Variants in SLC26A11 observed in about 807,000 individuals in gnomAD.
The protein encoded by SLC26A11 is sodium-independent sulfate anion transporter.
A neutral mutation model predicts 62.2 loss-of-function variants in SLC26A11; 58 were observed. That is an observed-to-expected ratio of 0.93 (90% CI 0.76 to 1.16). SLC26A11 has a LOEUF of 1.16. SLC26A11 is among the 50% of genes most tolerant of loss of function. The probability of loss-of-function intolerance (pLI) is 0.00; values close to 1 mark genes in which losing one functional copy is unlikely to be tolerated. For synonymous variants in SLC26A11, 411 were observed against 368.9 expected, an observed-to-expected ratio of 1.11 and a Z score of -1.31; for missense variants, 790 against 794.3, an observed-to-expected ratio of 0.99 and a Z score of 0.06.
chr17:80,241,767 T>A lies in SLC26A11; in HGVS notation c.986-4T>A. 6.2e-7 allele frequency: 1 copy of A among 1,614,000 alleles called. No homozygotes were observed. Among genetic ancestry groups the A allele is most frequent in the Non-Finnish European group, 8.5e-7 (1 of 1,179,958 alleles). On this transcript the variant is annotated splice_polypyrimidine_tract_variant and splice_region_variant and intron_variant, in intron 9 of 17. Coordinates refer to ENST00000361193, the MANE Select transcript of SLC26A11 (RefSeq NM_001166347.2). Reference sequence around the variant, plus strand: ...ACCAGGTCTTTACCGTTGGTTCCCTTTAGCATCTCAGAATAATTACCGCAT... The same window carrying A: ...ACCAGGTCTTTACCGTTGGTTCCCTATAGCATCTCAGAATAATTACCGCAT...
chr17:80,225,829 T>C lies in SLC26A11; in HGVS notation c.514-8T>C, dbSNP rs1197144919. 1 of 1,613,540 alleles carries C rather than the reference T, an allele frequency of 6.2e-7. No homozygotes were observed. The highest frequency in any genetic ancestry group is 1.7e-5 in the Admixed American group (1 of 59,988). On this transcript the variant is annotated splice_region_variant and splice_polypyrimidine_tract_variant and intron_variant, in intron 5 of 17. Coordinates refer to ENST00000361193, the MANE Select transcript of SLC26A11 (RefSeq NM_001166347.2). ...TAGCCTCTGATCAGCATCTCTGTGT[T>C]TGGACAGAACCTGCTGGGACTACAG...
In SLC26A11 at chr17:80,228,471, G is replaced by A. The variant is rs974622912; in HGVS notation, c.736+511G>A. Among the ~76,000 whole-genome samples the A allele has an allele frequency of 6.6e-6, 1 of 152,358 alleles. No homozygotes were observed. Among genetic ancestry groups the A allele is most frequent in the East Asian group, 1.9e-4 (1 of 5,184 alleles). ...TTTAAAACTCTGAGCCAAACTCGGT[G>A]GGTTCTGATGCAGGGTCAGAGCTGA... On this transcript the variant is annotated intron_variant, in intron 7 of 17. Coordinates refer to ENST00000361193, the MANE Select transcript of SLC26A11 (RefSeq NM_001166347.2). This position sits in a 1 kb window ranked among gnomAD's most constrained non-coding sequence, Gnocchi z 4.1.
chr17:80,250,700 G>A (rs1258720960), intron 16 of SLC26A11, among the ~76,000 whole-genome samples: 1 of 151,956 alleles, frequency 6.6e-6, no homozygotes, highest in Non-Finnish European at 1.5e-5. Context: ...GGTGGCGCAC[G>A]CCTGTAATCC....
At chr17:80,225,188 G>A (rs1001176774) in intron 5 of SLC26A11, among the ~76,000 whole-genome samples, 5 of 149,128 alleles carry the variant, frequency 3.4e-5, no homozygotes, top group Non-Finnish European at 7.4e-5. Context: ...ACCCCCCGCC[G>A]CTCTCTAAAG....
At chr17:80,240,227 C>A (rs1296064669) in intron 9 of SLC26A11, among the ~76,000 whole-genome samples, 3 of 151,890 alleles carry the variant, frequency 2.0e-5, no homozygotes, top group Non-Finnish European at 4.4e-5. Context: ...ATTAGCCAGG[C>A]GTGGTGGCGG....
rs745767261 is a variant in SLC26A11 at position 80,248,633 on chromosome 17, T to G, written c.1481T>G (p.Met494Arg). ...QPASGLSFPA[M>R]EALREEILSR... ...GCCAGCGGCCTGTCCTTCCCTGCCA[T>G]GGAGGCTCTGCGGGAGGAGATCCTA... Residue 494 changes from methionine to arginine, a missense_variant, in exon 15 of 18, where the codon ATG becomes AGG. Transcript: ENST00000361193. 6.3e-7 allele frequency: 1 copy of G among 1,586,564 alleles called. No individual in the cohort carries two copies. The highest frequency in any genetic ancestry group is 8.6e-7 in the Non-Finnish European group (1 of 1,166,630).
At chr17:80,235,624 G>T (rs1002054311) in intron 7 of SLC26A11, among the ~76,000 whole-genome samples, 1 of 152,230 alleles carries the variant, frequency 6.6e-6, no homozygotes, top group African/African-American at 2.4e-5. Context: ...CCAAAGTGTT[G>T]GGATTACAGG....
chr17:80,248,537 C>T (rs774333269), intron 14 of SLC26A11, 38 bp from the exon 15 acceptor site: 17 of 1,537,350 alleles, frequency 1.1e-5, no homozygotes, highest in East Asian at 4.9e-5. Flanking sequence ...GGAGGCCACC[C>T]GGTCAGACCC....
intron 1 of SLC26A11, 101 bp from the exon 2 acceptor site, chr17:80,220,815 T>TGG (rs2042140460): frequency 6.9e-6 from 1 of 144,578 alleles, no homozygotes; most frequent in Non-Finnish European, 1.5e-5. Context: ...GCCGGGGGCG[T>TGG]GGGGGGCTGG....
At chr17:80,240,400 C>A (rs2042828646) in intron 9 of SLC26A11, among the ~76,000 whole-genome samples, 1 of 151,492 alleles carries the variant, frequency 6.6e-6, no homozygotes, top group Admixed American at 6.6e-5. Context: ...TGTCTTAGAT[C>A]CATGCTCCTG....
Position 80,223,001 on chromosome 17 carries a change from C to T in SLC26A11, c.427+154C>T, listed in dbSNP as rs2042267944. 6.6e-6 allele frequency among the ~76,000 whole-genome samples: 1 copy of T among 151,844 alleles called. No homozygotes were observed. The highest frequency in any genetic ancestry group is 6.6e-5 in the Admixed American group (1 of 15,250). On this transcript the variant is annotated intron_variant, in intron 4 of 17. Coordinates refer to ENST00000361193, the MANE Select transcript of SLC26A11 (RefSeq NM_001166347.2). The surrounding 1 kb of genome is among the most constrained non-coding windows in gnomAD (Gnocchi z 4.6). ...TGGGTGGGTGGTGGAGGGGGTGGGG[C>T]ACTTGGCTCTTAGTCTACTCTTTTC...
intron 14 of SLC26A11, 137 bp from the exon 15 acceptor site, chr17:80,248,438 G>A: frequency 7.2e-6 from 9 of 1,245,168 alleles, no homozygotes; most frequent in Non-Finnish European, 9.9e-6. Flanking sequence ...TGGGGGCCAT[G>A]GGGGTCTCCC....
chr17:80,242,536 G>A (rs10871505), intron 10 of SLC26A11, among the ~76,000 whole-genome samples: 47,577 of 152,038 alleles, frequency 0.31, 8,553 homozygotes, highest in East Asian at 0.6. Flanking sequence ...GATTGTGCCC[G>A]CACCCTGCCC....
intron 8 of SLC26A11, 108 bp from the exon 9 acceptor site, chr17:80,237,414 C>A: frequency 9.4e-7 from 1 of 1,064,254 alleles, no homozygotes; most frequent in Non-Finnish European, 1.4e-6. Context: ...CTGACAAGCA[C>A]TTGCTCCTGT....
In SLC26A11 at chr17:80,252,739, C is replaced by T; in HGVS notation, c.*23C>T. ...TAATGGGGCCACCCGTGGGCATCCACAGTTTGCAGGGTGTTCCGGAAGGTT... is the reference window on the plus strand; with the variant it reads ...TAATGGGGCCACCCGTGGGCATCCATAGTTTGCAGGGTGTTCCGGAAGGTT... On this transcript the variant is annotated 3_prime_UTR_variant, in exon 18 of 18. Transcript: ENST00000361193. The surrounding 1 kb of genome is among the most constrained non-coding windows in gnomAD (Gnocchi z 5.2). 6.2e-7 allele frequency: 1 copy of T among 1,602,460 alleles called. No individual in the cohort carries two copies.
At position 80,221,590 on chromosome 17, in the gene SLC26A11, G is replaced by C. The variant is rs2042195344; in HGVS notation, c.30G>C (p.Gln10His). ...CTTCTTCGGTGACGGCGCTGGGTCA[G>C]GCCAGGTCCTCTGGCCCCGGGATGG... MPSSVTALG[Q>H]ARSSGPGMAP... is the part of the protein sequence containing the mutation. Residue 10 changes from glutamine (Q) to histidine (H), a missense_variant, in exon 3 of 18, where the codon CAG (glutamine) becomes CAC (histidine). Physicochemically the swap from Gln to His is conservative, Grantham distance 24 (BLOSUM62 0). Transcript: ENST00000361193. 1 of 1,604,372 alleles carries C rather than the reference G, an allele frequency of 6.2e-7. No homozygotes were observed. The highest frequency in any genetic ancestry group is 1.3e-5 in the African/African-American group (1 of 74,900).
chr17:80,227,593 C>G (rs1195608092), intron 6 of SLC26A11, among the ~76,000 whole-genome samples: 2 of 152,220 alleles, frequency 1.3e-5, no homozygotes, highest in Admixed American at 1.3e-4. Context: ...TGCAGAGTAG[C>G]TTGCTAAAGT....
At chr17:80,225,635 G>A (rs1049306358) in intron 5 of SLC26A11, 3 of 579,038 alleles carry the variant, frequency 5.2e-6, no homozygotes, top group Admixed American at 3.2e-5. Flanking sequence ...CTCCCACGAG[G>A]GTAGCTTTGA....
intron 15 of SLC26A11, 42 bp from the exon 16 acceptor site, chr17:80,249,111 GC>G: frequency 6.3e-7 from 1 of 1,588,342 alleles, no homozygotes; most frequent in Admixed American, 1.7e-5. Context: ...GCAGCTTTGG[GC>G]TGCTCTGGGT....
Sources: gnomAD v4.1 joint callset for allele counts (sites outside exome capture counted in the v4.1 genomes callset) on GRCh38, gnomAD v4.1.1 for gene constraint, Gnocchi (gnomAD v3.1) non-coding constraint, MANE v1.5 for transcripts, NCBI Gene and HGNC (gene_info 2026-07-23, HGNC 2026-07-21) for gene names.